Variants in ZNF334 observed in about 807,000 individuals in gnomAD.
ZNF334 encodes zinc finger protein 334.
A neutral mutation model predicts 12.4 loss-of-function variants in ZNF334; 14 were observed. That is an observed-to-expected ratio of 1.13 (90% CI 0.74 to 1.76). The LOEUF (loss-of-function observed/expected upper bound fraction) is 1.76, where lower values mean the gene tolerates loss of function less well. Ranked by LOEUF, ZNF334 falls within the 40% of genes most tolerant of loss-of-function variation. ZNF334 has a pLI of 0.00. For synonymous variants in ZNF334, 273 were observed against 269.6 expected, an observed-to-expected ratio of 1.01 and a Z score of -0.12; for missense variants, 797 against 804.5, an observed-to-expected ratio of 0.99 and a Z score of 0.11.
At chr20:46,475,482 A>G in the ZNF334 span, among the ~76,000 whole-genome samples, 10 of 152,204 alleles carry the variant, frequency 6.6e-5, no homozygotes, top group African/African-American at 2.4e-4. Flanking sequence ...GAATGAAATG[A>G]CAAACTACAA....
intron 1 of ZNF334, 117 bp from the exon 2 acceptor site, chr20:46,512,257 TCAGGAAG>T (rs1408571406): frequency 1.5e-6 from 1 of 674,974 alleles, no homozygotes; most frequent in Admixed American, 2.7e-5. Context: ...CCAGTCTGGT[TCAGGAAG>T]CAACATGTTG....
the ZNF334 span, among the ~76,000 whole-genome samples, chr20:46,479,262 G>T: frequency 6.6e-6 from 1 of 151,984 alleles, no homozygotes; most frequent in Admixed American, 6.6e-5. Flanking sequence ...CCTCTTTTAA[G>T]GACCCTTTTG....
At position 46,502,265 on chromosome 20, in the gene ZNF334, G is replaced by A. The variant is rs1268965456; in HGVS notation, c.1074C>T (p.Phe358=). The change falls in exon 5 of 5, where the codon TTC becomes TTT. Residue 358 remains phenylalanine (F), a synonymous_variant. Coordinates refer to ENST00000692313, the MANE Select transcript of ZNF334 (RefSeq NM_001353824.2). The part of the protein sequence containing the change: ...PYECKECGNA[F]SKKSYLVVHQ... ...GTACAACAAGATACGATTTCTTGCT[G>A]AAGGCATTTCCACATTCCTTGCATT... 3 of 1,613,968 alleles carry A rather than the reference G, an allele frequency of 1.9e-6. No homozygotes were observed. Among genetic ancestry groups the A allele is most frequent in the African/African-American group, 1.3e-5 (1 of 74,920 alleles).
chr20:46,503,629 G>C (rs1948872391), intron 4 of ZNF334, among the ~76,000 whole-genome samples: 1 of 152,158 alleles, frequency 6.6e-6, no homozygotes, highest in Non-Finnish European at 1.5e-5. Context: ...TTTGTACAGT[G>C]CAAAGGGAAG....
Position 46,501,046 on chromosome 20 carries a change from CA to C in ZNF334, c.*249del, listed in dbSNP as rs1475052537. 2.4e-6 allele frequency: 1 copy of C among 421,142 alleles called. No homozygotes were observed. Among genetic ancestry groups the C allele is most frequent in the African/African-American group, 2.0e-5 (1 of 50,036 alleles). The allele number at this position is 421,142 out of a possible 1,614,324, so 26.1% of individuals were successfully genotyped here. On this transcript the variant is annotated 3_prime_UTR_variant, in exon 5 of 5. Coordinates refer to ENST00000692313, the MANE Select transcript of ZNF334 (RefSeq NM_001353824.2). ...TTGTTTCATTATTTTAAAAGGGAGG[CA>C]CATTTGGCATAACCTTTGAATTGCT...
downstream of ZNF334, among the ~76,000 whole-genome samples, chr20:46,498,641 A>C (rs568600187): frequency 1.3e-5 from 2 of 152,362 alleles, no homozygotes; most frequent in African/African-American, 4.8e-5. Context: ...AATTTTGGGG[A>C]TAATTTGTTA....
Position 46,512,121 on chromosome 20 carries a change from CA to C in ZNF334, c.-20del. 6.2e-7 allele frequency: 1 copy of C among 1,613,560 alleles called. No individual in the cohort carries two copies. The highest frequency in any genetic ancestry group is 1.7e-5 in the Admixed American group (1 of 60,010). On this transcript the variant is annotated 5_prime_UTR_variant, in exon 2 of 5. Transcript: ENST00000692313. ...TTTTCATGTTCTCTTGAGAAAGGGC[CA>C]AGAGTGTTGAAAGCAGAGCTGGGTA...
chr20:46,504,202 T>C lies in ZNF334; in HGVS notation c.241+12A>G. The C allele has an allele frequency of 1.3e-6, 2 of 1,585,180 alleles. No individual in the cohort carries two copies. The highest frequency in any genetic ancestry group is 1.7e-6 in the Non-Finnish European group (2 of 1,159,728). ...TCCATTGGTTCCACCTGCTCAGTTA[T>C]CATTTACTTACCTGGGTAGTTCTGA... On this transcript the variant is annotated intron_variant, in intron 4 of 4. Coordinates refer to ENST00000692313, the MANE Select transcript of ZNF334 (RefSeq NM_001353824.2).
At chr20:46,509,587 G>T (rs2061568087) in intron 2 of ZNF334, 1 of 702,846 alleles carries the variant, frequency 1.4e-6, no homozygotes, top group African/African-American at 1.7e-5. Context: ...AGAAAGGATG[G>T]GGAATTCATC....
intron 3 of ZNF334, 111 bp from the exon 4 acceptor site, chr20:46,504,417 G>T: frequency 8.8e-7 from 1 of 1,130,966 alleles, no homozygotes; most frequent in Non-Finnish European, 1.3e-6. Flanking sequence ...CCCAGCAATA[G>T]CTCAGTAAAG....
chr20:46,473,961 T>C, the ZNF334 span, among the ~76,000 whole-genome samples: 1 of 152,240 alleles, frequency 6.6e-6, no homozygotes, highest in East Asian at 1.9e-4. Context: ...GTTTGATGAT[T>C]AATTTTCAAA....
chr20:46,474,783 A>G, the ZNF334 span: 1 of 152,242 alleles, frequency 6.6e-6, no homozygotes, highest in South Asian at 2.1e-4. Context: ...AGATACAATA[A>G]TTGCATAATG....
the ZNF334 span, among the ~76,000 whole-genome samples, chr20:46,488,159 A>T: frequency 6.6e-6 from 1 of 151,802 alleles, no homozygotes; most frequent in African/African-American, 2.4e-5. Flanking sequence ...GCCTAAATCA[A>T]ATAGATTTCT....
chr20:46,465,097 G>A, the ZNF334 span: 1 of 261,798 alleles, frequency 3.8e-6, no homozygotes, highest in Non-Finnish European at 7.5e-6. Flanking sequence ...CAAATCCCAT[G>A]CACAAAATAC....
At chr20:46,488,255 G>C in the ZNF334 span, among the ~76,000 whole-genome samples, 1 of 147,570 alleles carries the variant, frequency 6.8e-6, no homozygotes, top group Non-Finnish European at 1.5e-5. Context: ...TTTTTTTTAG[G>C]ATTCTATTTT....
At chr20:46,506,956 T>A (rs114509259) in intron 2 of ZNF334, among the ~76,000 whole-genome samples, 27,190 of 135,006 alleles carry the variant, frequency 0.2, 2,538 homozygotes, top group African/African-American at 0.27. Context: ...TCAAAAAAAT[T>A]TTTTTTTTTT....
At position 46,501,454 on chromosome 20, in the gene ZNF334, C is replaced by T; in HGVS notation, c.1885G>A (p.Glu629Lys). The T allele has an allele frequency of 6.2e-7, 1 of 1,614,098 alleles. No individual in the cohort carries two copies. The highest frequency in any genetic ancestry group is 8.5e-7 in the Non-Finnish European group (1 of 1,180,006). Reference sequence around the variant, plus strand: ...TAGGTTTTCCCACATTGATTACATTCATATGGTTTCTCTCCTGTGTGAATT... The same window carrying T: ...TAGGTTTTCCCACATTGATTACATTTATATGGTTTCTCTCCTGTGTGAATT... The part of the protein sequence containing the change: ...RRIHTGEKPY[E>K]CNQCGKTYRR... Residue 629 changes from glutamate to lysine, a missense_variant, in exon 5 of 5, where the codon GAA (glutamate) becomes AAA (lysine). By Grantham distance (56) the Glu-to-Lys change is moderately conservative. Transcript: ENST00000692313.
At chr20:46,476,155 A>G in the ZNF334 span, 1 of 152,240 alleles carries the variant, frequency 6.6e-6, no homozygotes, top group Non-Finnish European at 1.5e-5. Flanking sequence ...CCCAGAAGTT[A>G]TATACTGCAT....
At chr20:46,509,671 C>T (rs1246174105) in intron 2 of ZNF334, 3 of 702,892 alleles carry the variant, frequency 4.3e-6, no homozygotes, top group Non-Finnish European at 7.8e-6. Context: ...GCGCACACTT[C>T]CAGGTTGCAT....
Sources: allele counts gnomAD v4.1 joint callset (sites outside exome capture counted in the v4.1 genomes callset), GRCh38; gene constraint gnomAD v4.1.1; transcripts MANE v1.5; gene names NCBI Gene and HGNC (gene_info 2026-07-23, HGNC 2026-07-21).